CHODL: variants seen among roughly 807,000 people sequenced by gnomAD.
The protein encoded by CHODL is transmembrane protein MT75.
CHODL carries 29 observed loss-of-function variants against 34.5 expected under a neutral mutation model. The observed-to-expected ratio is 0.84, with a 90% CI of 0.63 to 1.15. The LOEUF is 1.15. Among genes scored for constraint, CHODL ranks in the 50% most tolerant of loss-of-function variants. CHODL has a pLI of 0.00. For synonymous variants in CHODL, 125 were observed against 116.1 expected (o/e 1.08, Z -0.49); for missense variants, 332 against 332.5 (o/e 1.00, Z 0.01).
intron 1 of CHODL, among the ~76,000 whole-genome samples, chr21:17,941,286 C>CTTTTTTTTTTTT (rs34255623): frequency 1.1e-5 from 1 of 87,958 alleles, no homozygotes. Flanking sequence ...TAACTTGCCT[C>CTTTTTTTTTTTT]TTTTTTTTTT....
At chr21:17,997,140 A>G (rs2063857673) in intron 1 of CHODL, among the ~76,000 whole-genome samples, 1 of 152,212 alleles carries the variant, frequency 6.6e-6, no homozygotes, top group African/African-American at 2.4e-5. Flanking sequence ...GCGATTAGTT[A>G]CTCTGCTTCT....
intron 2 of CHODL, among the ~76,000 whole-genome samples, chr21:18,121,795 T>C (rs2065482797): frequency 6.6e-6 from 1 of 152,156 alleles, no homozygotes; most frequent in Non-Finnish European, 1.5e-5. Context: ...TAGAATAAAA[T>C]TCACTCCTTG....
chr21:18,248,728 ATATAATATATATG>A (rs1219976502), intron 1 of CHODL, among the ~76,000 whole-genome samples: 5 of 119,742 alleles, frequency 4.2e-5, no homozygotes, highest in East Asian at 2.2e-4. Flanking sequence ...ATATATATGT[ATATAATATATATG>A]TATAATATAT....
At chr21:17,957,135 T>A (rs548636430) in intron 1 of CHODL, among the ~76,000 whole-genome samples, 1 of 152,282 alleles carries the variant, frequency 6.6e-6, no homozygotes, top group African/African-American at 2.4e-5. Context: ...TTTTCTCTCT[T>A]ATTCACTAAC....
chr21:17,960,178 C>G (rs1207424242), intron 1 of CHODL, among the ~76,000 whole-genome samples: 2 of 152,154 alleles, frequency 1.3e-5, no homozygotes, highest in Non-Finnish European at 2.9e-5. Flanking sequence ...CTTCCTAAAA[C>G]CCTGCACACA....
intron 1 of CHODL, among the ~76,000 whole-genome samples, chr21:17,978,942 T>C (rs1052082002): frequency 1.5e-4 from 23 of 152,140 alleles, no homozygotes; most frequent in African/African-American, 5.5e-4. Flanking sequence ...TCCATGCACA[T>C]GAGTTCCTGC....
At chr21:17,991,840 T>G (rs950126973) in intron 1 of CHODL, among the ~76,000 whole-genome samples, 4 of 152,174 alleles carry the variant, frequency 2.6e-5, no homozygotes, top group African/African-American at 9.6e-5. Flanking sequence ...ATAGTACCAT[T>G]TGTTTATTTG....
chr21:18,092,654 C>T (rs1180427236), intron 2 of CHODL, among the ~76,000 whole-genome samples: 1 of 152,076 alleles, frequency 6.6e-6, no homozygotes, highest in African/African-American at 2.4e-5. Context: ...AGAAGGAATT[C>T]TAGAGTTAAA....
intron 1 of CHODL, among the ~76,000 whole-genome samples, chr21:18,253,198 G>A (rs1171547670): frequency 6.6e-6 from 1 of 151,836 alleles, no homozygotes; most frequent in Non-Finnish European, 1.5e-5. Flanking sequence ...AATATATCAG[G>A]GATAATGAAC....
At chr21:18,179,059 G>A (rs531595645) in intron 2 of CHODL, among the ~76,000 whole-genome samples, 1 of 152,176 alleles carries the variant, frequency 6.6e-6, no homozygotes, top group East Asian at 1.9e-4. Flanking sequence ...TAAAAAGAAA[G>A]CTAACCACCC....
chr21:18,036,068 G>C (rs960086627), intron 2 of CHODL, among the ~76,000 whole-genome samples: 11 of 151,978 alleles, frequency 7.2e-5, no homozygotes, highest in Non-Finnish European at 1.2e-4. Context: ...CTGGGATGCA[G>C]TTAAGTTACT....
At chr21:18,193,907 C>A (rs568501412) in intron 2 of CHODL, among the ~76,000 whole-genome samples, 73 of 152,068 alleles carry the variant, frequency 4.8e-4, no homozygotes, top group African/African-American at 1.6e-3. Flanking sequence ...ACCTGCCCCC[C>A]CTTGGTAAAT....
intron 2 of CHODL, among the ~76,000 whole-genome samples, chr21:18,091,227 A>G (rs1483076723): frequency 6.6e-6 from 1 of 152,242 alleles, no homozygotes; most frequent in African/African-American, 2.4e-5. Flanking sequence ...CCTTGGCACC[A>G]TGAGCTGAAG....
chr21:18,254,742 A>G (rs1302212323), intron 1 of CHODL, among the ~76,000 whole-genome samples: 2 of 152,132 alleles, frequency 1.3e-5, no homozygotes, highest in Non-Finnish European at 2.9e-5. Context: ...CTAATCTGGC[A>G]TATATATGTA....
chr21:17,946,794 C>A (rs980175389), intron 1 of CHODL, among the ~76,000 whole-genome samples: 56 of 152,108 alleles, frequency 3.7e-4, no homozygotes, highest in African/African-American at 1.3e-3. Context: ...TGTGTCCTTA[C>A]CAGTGAAGTG....
At chr21:17,929,749 C>T (rs2063256672) in intron 1 of CHODL, among the ~76,000 whole-genome samples, 1 of 152,256 alleles carries the variant, frequency 6.6e-6, no homozygotes, top group South Asian at 2.1e-4. Context: ...CTTCGGCCCA[C>T]ATGGAATTCC....
chr21:18,244,085 A>G (rs2074107457), upstream of CHODL, among the ~76,000 whole-genome samples: 1 of 152,236 alleles, frequency 6.6e-6, no homozygotes, highest in African/African-American at 2.4e-5. Context: ...TAAAGAGAGC[A>G]GGTCAGGTTA....
At chr21:18,084,960 T>A (rs1198601844) in intron 2 of CHODL, among the ~76,000 whole-genome samples, 5 of 150,718 alleles carry the variant, frequency 3.3e-5, no homozygotes, top group South Asian at 2.1e-4. Context: ...TGTGTGTGTG[T>A]GAATCTGAGT....
intron 2 of CHODL, among the ~76,000 whole-genome samples, chr21:18,188,327 G>C (rs1231259813): frequency 2.0e-5 from 3 of 151,892 alleles, no homozygotes; most frequent in Non-Finnish European, 4.4e-5. Flanking sequence ...ACTTACACTA[G>C]AACTCTAGGC....
Sources: gnomAD v4.1 joint callset for allele counts (sites outside exome capture counted in the v4.1 genomes callset) on GRCh38, gnomAD v4.1.1 for gene constraint, MANE v1.5 for transcripts, NCBI Gene and HGNC (gene_info 2026-07-23, HGNC 2026-07-21) for gene names.